RBPJ: variants seen among roughly 807,000 people sequenced by gnomAD.
RBPJ encodes the protein recombination signal binding protein for immunoglobulin kappa J region.
Under a neutral mutation model 67.8 loss-of-function variants are expected in RBPJ, and 9 were observed. The observed-to-expected ratio is 0.13, with a 90% CI of 0.08 to 0.23. The LOEUF (loss-of-function observed/expected upper bound fraction) is 0.23, where lower values mean the gene tolerates loss of function less well. Among genes scored for constraint, RBPJ ranks in the 10% least tolerant of loss-of-function variants. RBPJ has a pLI of 1.00. For synonymous variants in RBPJ, 198 were observed against 203.3 expected, an observed-to-expected ratio of 0.97 and a Z score of 0.22; for missense variants, 305 against 595.6, an observed-to-expected ratio of 0.51 and a Z score of 5.08.
At chr4:26,256,723 A>G (rs1181184282) in intron 1 of RBPJ, among the ~76,000 whole-genome samples, 3 of 152,242 alleles carry the variant, frequency 2.0e-5, no homozygotes, top group Admixed American at 6.5e-5. Flanking sequence ...TTTTAATTTG[A>G]TTTTAAATGC....
intron 1 of RBPJ, among the ~76,000 whole-genome samples, chr4:26,285,794 C>A (rs768410825): frequency 5.3e-5 from 8 of 151,184 alleles, no homozygotes; most frequent in Admixed American, 4.0e-4. Flanking sequence ...TGCAGAAATT[C>A]TCGAGCCATC....
At chr4:26,182,071 G>A (rs1013736795) in intron 1 of RBPJ, among the ~76,000 whole-genome samples, 1 of 152,116 alleles carries the variant, frequency 6.6e-6, no homozygotes, top group African/African-American at 2.4e-5. Context: ...GGCTGGGTGC[G>A]GTGGCTCACG....
chr4:26,390,998 T>C (rs887736540), intron 2 of RBPJ, among the ~76,000 whole-genome samples: 22 of 152,280 alleles, frequency 1.4e-4, no homozygotes, highest in African/African-American at 5.3e-4. Context: ...TTAAGGCTGC[T>C]GTAATCCATG....
rs145009078 is a variant in RBPJ, at chr4:26,264,510, A to G, written c.-166-97936A>G. On this transcript the variant is annotated intron_variant, in intron 1 of 4. Coordinates refer to the RBPJ transcript ENST00000512351. This position sits in a 1 kb window ranked among gnomAD's most constrained non-coding sequence, Gnocchi z 4.1. Reference sequence around the variant, plus strand: ...AATGGAGTTTCTTTCAAATTCTTCAATGGTCCTTTGTTGCCCTCACAATTT... The same window carrying G: ...AATGGAGTTTCTTTCAAATTCTTCAGTGGTCCTTTGTTGCCCTCACAATTT... Among the ~76,000 whole-genome samples the G allele has an allele frequency of 3.9e-5, 6 of 152,162 alleles. No homozygotes were observed. The highest frequency in any genetic ancestry group is 5.9e-5 in the Non-Finnish European group (4 of 68,012).
chr4:26,240,099 T>C (rs1719585366), intron 1 of RBPJ, among the ~76,000 whole-genome samples: 1 of 152,160 alleles, frequency 6.6e-6, no homozygotes, highest in Admixed American at 6.6e-5. Context: ...AGTTGCCAGA[T>C]TTCACAAATA....
chr4:26,282,136 CTT>C (rs869155604), intron 1 of RBPJ, among the ~76,000 whole-genome samples: 4 of 51,854 alleles, frequency 7.7e-5, no homozygotes, highest in South Asian at 7.7e-4. Flanking sequence ...CTCTCTCTCT[CTT>C]TTTTTTTTTT....
chr4:26,344,093 A>G (rs1202034987), intron 1 of RBPJ, among the ~76,000 whole-genome samples: 1 of 152,018 alleles, frequency 6.6e-6, no homozygotes, highest in Admixed American at 6.6e-5. Flanking sequence ...CATGTTGGCC[A>G]GGCTGATCTT....
At chr4:26,352,676 C>T (rs540946660) in intron 1 of RBPJ, among the ~76,000 whole-genome samples, 2 of 152,330 alleles carry the variant, frequency 1.3e-5, no homozygotes, top group Non-Finnish European at 2.9e-5. Flanking sequence ...GCACTTCGGC[C>T]TGGGCCACAG....
At position 26,187,705 on chromosome 4, in the gene RBPJ, C is replaced by T. The variant is rs112913250; in HGVS notation, c.-167+24091C>T. On this transcript the variant is annotated intron_variant, in intron 1 of 4. Transcript: ENST00000512351. The stretch of plus-strand genomic sequence containing the variant: ...TTTTTCTTTTTCATAGATGTGAACA[C>T]TGAGAATTTTCCTTCCTATAAATTA... 1.2e-3 allele frequency among the ~76,000 whole-genome samples: 176 copies of T among 152,190 alleles called. 1 individual carries two copies. Among genetic ancestry groups the T allele is most frequent in the African/African-American group, 4.2e-3 (173 of 41,522 alleles).
intron 1 of RBPJ, among the ~76,000 whole-genome samples, chr4:26,385,166 G>A (rs111621120): frequency 0.024 from 3,585 of 149,536 alleles, 159 homozygotes; most frequent in African/African-American, 0.084. Flanking sequence ...GATTACAGGC[G>A]CGTGCCACCA....
At chr4:26,301,296 T>G (rs1722067033) in intron 1 of RBPJ, among the ~76,000 whole-genome samples, 1 of 151,904 alleles carries the variant, frequency 6.6e-6, no homozygotes, top group South Asian at 2.1e-4. Flanking sequence ...TGGGTCCAAA[T>G]AAAAAAACAG....
At chr4:26,179,923 T>TAAATGTCCATCAACTA (rs1577441118) in intron 1 of RBPJ, among the ~76,000 whole-genome samples, 1 of 152,180 alleles carries the variant, frequency 6.6e-6, no homozygotes, top group Non-Finnish European at 1.5e-5. Flanking sequence ...GGCATCAACC[T>TAAATGTCCATCAACTA]AAATGTCCAT....
intron 1 of RBPJ, among the ~76,000 whole-genome samples, chr4:26,227,696 G>A (rs1719124884): frequency 6.6e-6 from 1 of 152,156 alleles, no homozygotes; most frequent in Admixed American, 6.5e-5. Flanking sequence ...ACCTCCTTTG[G>A]AGAACTCCCT....
At chr4:26,354,485 C>G (rs1250215682) in intron 1 of RBPJ, among the ~76,000 whole-genome samples, 2 of 138,160 alleles carry the variant, frequency 1.4e-5, no homozygotes, top group African/African-American at 5.6e-5. Context: ...CGGAGTCTTG[C>G]TCTGTTACCC....
intron 1 of RBPJ, among the ~76,000 whole-genome samples, chr4:26,259,422 G>C (rs1014654169): frequency 6.6e-6 from 1 of 152,174 alleles, no homozygotes; most frequent in Non-Finnish European, 1.5e-5. Context: ...CTTTGCTCTT[G>C]ATTAGTCTGC....
the RBPJ span, among the ~76,000 whole-genome samples, chr4:26,145,028 C>CTTTTT: frequency 6.8e-6 from 1 of 146,728 alleles, no homozygotes; most frequent in East Asian, 2.0e-4. Context: ...TCTTCTTCTT[C>CTTTTT]TTTTTTTTTT....
intron 1 of RBPJ, among the ~76,000 whole-genome samples, chr4:26,377,555 T>C (rs1456077000): frequency 6.6e-6 from 1 of 152,252 alleles, no homozygotes; most frequent in Non-Finnish European, 1.5e-5. Flanking sequence ...GTGAGGCGTC[T>C]GAAGGAGTTA....
the RBPJ span, among the ~76,000 whole-genome samples, chr4:26,152,186 A>C: frequency 6.6e-6 from 1 of 152,016 alleles, no homozygotes; most frequent in Non-Finnish European, 1.5e-5. Context: ...AATACTATCC[A>C]CTCCTGCACT....
At chr4:26,236,130 A>G (rs547210844) in intron 1 of RBPJ, among the ~76,000 whole-genome samples, 54 of 152,306 alleles carry the variant, frequency 3.5e-4, no homozygotes, top group African/African-American at 1.2e-3. Flanking sequence ...ACTATTGCAG[A>G]CTTCTGGGGC....
Sources: gnomAD v4.1 joint callset for allele counts (sites outside exome capture counted in the v4.1 genomes callset) on GRCh38, gnomAD v4.1.1 for gene constraint, Gnocchi (gnomAD v3.1) non-coding constraint, MANE v1.5 for transcripts, NCBI Gene and HGNC (gene_info 2026-07-23, HGNC 2026-07-21) for gene names.